PCSK5: variants seen among roughly 807,000 people sequenced by gnomAD.
The protein encoded by PCSK5 is prohormone convertase 5.
PCSK5 carries 129 observed loss-of-function variants against 233.2 expected under a neutral mutation model. The ratio of observed to expected loss-of-function variants is 0.55; its 90% CI spans 0.48 to 0.64. The LOEUF (loss-of-function observed/expected upper bound fraction) is 0.64, where lower values mean the gene tolerates loss of function less well. PCSK5 is among the 30% of genes least tolerant of loss of function. PCSK5 has a pLI of 0.00. For synonymous variants in PCSK5, 825 were observed against 879.2 expected (o/e 0.94, Z 1.09); for missense variants, 2,076 against 2,430.1 (o/e 0.85, Z 3.06).
intron 1 of PCSK5, among the ~76,000 whole-genome samples, chr9:75,900,075 A>T (rs770776098): frequency 6.6e-6 from 1 of 152,310 alleles, no homozygotes; most frequent in South Asian, 2.1e-4. Context: ...ACAGTTTTTC[A>T]TTGGACATCT....
At chr9:76,234,624 T>C (rs1394699348) in intron 22 of PCSK5, among the ~76,000 whole-genome samples, 2 of 152,240 alleles carry the variant, frequency 1.3e-5, no homozygotes, top group African/African-American at 4.8e-5. Context: ...TGTCATATTT[T>C]ACTTCTAGAC....
chr9:76,098,997 T>A lies in PCSK5; in HGVS notation c.1107+2895T>A, dbSNP rs573139812. The stretch of plus-strand genomic sequence containing the variant: ...TACAAGGGAAAGTGGACACCATGAC[T>A]AAATGTTAATACCCTTTCGCGAGGT... On this transcript the variant is annotated intron_variant, in intron 8 of 37. Coordinates refer to ENST00000674117, the MANE Select transcript of PCSK5 (RefSeq NM_001372043.1). 3.2e-4 allele frequency among the ~76,000 whole-genome samples: 48 copies of A among 152,338 alleles called. No individual in the cohort carries two copies. The South Asian group carries it at 9.3e-3, about 30-fold the overall frequency.
At chr9:76,125,759 A>G (rs1832824665) in intron 9 of PCSK5, among the ~76,000 whole-genome samples, 1 of 152,212 alleles carries the variant, frequency 6.6e-6, no homozygotes, top group South Asian at 2.1e-4. Flanking sequence ...ACCAAGCTCA[A>G]GCTACCAAGT....
chr9:75,915,173 G>A (rs1353308278), intron 1 of PCSK5, among the ~76,000 whole-genome samples: 1 of 152,170 alleles, frequency 6.6e-6, no homozygotes, highest in East Asian at 1.9e-4. Context: ...GTGTTATAAT[G>A]GGGATGCCTT....
intron 9 of PCSK5, among the ~76,000 whole-genome samples, chr9:76,127,063 A>G (rs373327587): frequency 6.6e-6 from 1 of 152,110 alleles, no homozygotes; most frequent in Non-Finnish European, 1.5e-5. Flanking sequence ...ATATACTTCA[A>G]TAAACATCTA....
intron 5 of PCSK5, 138 bp from the exon 6 acceptor site, chr9:76,067,817 A>G (rs770359148): frequency 7.5e-6 from 5 of 669,076 alleles, no homozygotes; most frequent in Admixed American, 4.4e-5. Flanking sequence ...ATGGACAGAC[A>G]AAGTGCTACT....
At chr9:76,294,122 A>T (rs1828362895) in intron 25 of PCSK5, among the ~76,000 whole-genome samples, 1 of 151,068 alleles carries the variant, frequency 6.6e-6, no homozygotes. Flanking sequence ...ACTTGAACCC[A>T]GGAGGTGGAG....
At chr9:75,995,819 A>G (rs948841587) in intron 3 of PCSK5, among the ~76,000 whole-genome samples, 8 of 151,816 alleles carry the variant, frequency 5.3e-5, no homozygotes, top group Admixed American at 1.3e-4. Context: ...CCCAATGATA[A>G]TGACTTCACT....
At chr9:76,331,041 A>G (rs1230267807) in intron 33 of PCSK5, among the ~76,000 whole-genome samples, 1 of 152,210 alleles carries the variant, frequency 6.6e-6, no homozygotes, top group Non-Finnish European at 1.5e-5. Context: ...TTGAGGCTTC[A>G]GTGCTGGTAT....
intron 24 of PCSK5, among the ~76,000 whole-genome samples, chr9:76,266,775 CCAGCCAG>C (rs1827345487): frequency 2.6e-5 from 4 of 152,136 alleles, no homozygotes; most frequent in African/African-American, 9.7e-5. Context: ...GGCTTTCCTA[CCAGCCAG>C]TTGCTTCTCT....
chr9:76,145,588 T>G (rs1823413817), intron 10 of PCSK5, among the ~76,000 whole-genome samples: 2 of 152,134 alleles, frequency 1.3e-5, no homozygotes, highest in African/African-American at 2.4e-5. Context: ...TGCATATCAG[T>G]TTGGATTCTG....
chr9:75,965,025 A>G (rs904142199), intron 2 of PCSK5, among the ~76,000 whole-genome samples: 1 of 152,194 alleles, frequency 6.6e-6, no homozygotes, highest in African/African-American at 2.4e-5. Context: ...CCTATCACAA[A>G]TAAGTTGTGA....
intron 32 of PCSK5, among the ~76,000 whole-genome samples, chr9:76,326,554 T>TCCTG (rs1440383860): frequency 1.3e-5 from 2 of 152,146 alleles, no homozygotes; most frequent in African/African-American, 4.8e-5. Context: ...GTTGCTAAGG[T>TCCTG]CCTGGGCTCA....
intron 2 of PCSK5, among the ~76,000 whole-genome samples, chr9:75,972,500 C>G (rs1825851829): frequency 6.6e-6 from 1 of 152,156 alleles, no homozygotes; most frequent in Non-Finnish European, 1.5e-5. Context: ...GTTGATTCTT[C>G]CTATCCATGA....
intron 9 of PCSK5, among the ~76,000 whole-genome samples, chr9:76,125,077 G>C (rs1832792640): frequency 1.3e-5 from 2 of 148,962 alleles, no homozygotes; most frequent in South Asian, 4.2e-4. Flanking sequence ...TCCTTTCTTT[G>C]TTCCCATTCT....
At chr9:75,983,754 C>T (rs1386098820) in intron 2 of PCSK5, among the ~76,000 whole-genome samples, 1 of 152,176 alleles carries the variant, frequency 6.6e-6, no homozygotes, top group Non-Finnish European at 1.5e-5. Flanking sequence ...CTTTTCTTTG[C>T]ATGAGGCTTC....
At chr9:76,000,492 G>T (rs1034319018) in intron 3 of PCSK5, among the ~76,000 whole-genome samples, 6 of 152,076 alleles carry the variant, frequency 3.9e-5, no homozygotes, top group Non-Finnish European at 5.9e-5. Context: ...CACTCATTCT[G>T]TTATTTCTTC....
chr9:76,166,179 C>T (rs1424793432), intron 12 of PCSK5, among the ~76,000 whole-genome samples: 1 of 152,094 alleles, frequency 6.6e-6, no homozygotes, highest in African/African-American at 2.4e-5. Context: ...ACTCTTTCAG[C>T]AAAATGTGAT....
Position 76,169,686 on chromosome 9 carries a change from T to C in PCSK5, c.1620-18T>C, listed in dbSNP as rs1474636217. On this transcript the variant is annotated intron_variant, in intron 12 of 37. Transcript: ENST00000674117. The stretch of plus-strand genomic sequence containing the variant: ...GGATTTGAAATATCGCACATAACAA[T>C]GTTTTGTTCACTTTCAGGCTATTTG... 1 of 1,611,108 alleles carries C rather than the reference T, an allele frequency of 6.2e-7. No individual in the cohort carries two copies. Among genetic ancestry groups the C allele is most frequent in the African/African-American group, 1.3e-5 (1 of 74,954 alleles).
Sources: allele counts gnomAD v4.1 joint callset (sites outside exome capture counted in the v4.1 genomes callset), GRCh38; gene constraint gnomAD v4.1.1; transcripts MANE v1.5; gene names NCBI Gene and HGNC (gene_info 2026-07-23, HGNC 2026-07-21).